The following SNX29 variants were observed in gnomAD, a reference collection of about 807,000 sequenced individuals.
SNX29 encodes sorting nexin-29.
SNX29 carries 78 observed loss-of-function variants against 102.1 expected under a neutral mutation model. That is an observed-to-expected ratio of 0.76 (90% confidence interval 0.64 to 0.92). SNX29 has a LOEUF of 0.92. Ranked by LOEUF, SNX29 falls within the 40% of genes least tolerant of loss-of-function variation. The pLI is 0.00. For missense variants in SNX29, 1,280 were observed against 1,061.7 expected (o/e 1.21, Z -2.86); for synonymous variants, 580 against 414.5 (o/e 1.40, Z -4.85).
chr16:12,384,873 T>C (rs2151442724), intron 16 of SNX29, among the ~76,000 whole-genome samples: 1 of 152,138 alleles, frequency 6.6e-6, no homozygotes, highest in Non-Finnish European at 1.5e-5. Flanking sequence ...TGGACACATA[T>C]AAAAAGTGCT....
intron 20 of SNX29, among the ~76,000 whole-genome samples, chr16:12,543,751 G>C (rs1231224062): frequency 6.6e-6 from 1 of 152,226 alleles, no homozygotes; most frequent in African/African-American, 2.4e-5. Context: ...TTGACTGGGG[G>C]AGATTTTCCA....
intron 16 of SNX29, among the ~76,000 whole-genome samples, chr16:12,394,836 C>T (rs987614779): frequency 1.3e-5 from 2 of 152,160 alleles, no homozygotes; most frequent in Non-Finnish European, 2.9e-5. Context: ...CTTGTCCTTG[C>T]CCATGAAATC....
chr16:12,357,986 C>T (rs971173412), intron 16 of SNX29, among the ~76,000 whole-genome samples: 2 of 152,128 alleles, frequency 1.3e-5, no homozygotes, highest in Admixed American at 6.5e-5. Flanking sequence ...ATGACTGTGT[C>T]GTTGGGTGGT....
Position 12,040,208 on chromosome 16 carries a change from C to T in SNX29, c.248-2689C>T, listed in dbSNP as rs1454551777. Among the ~76,000 whole-genome samples, 7 of 151,982 alleles carry T rather than the reference C, an allele frequency of 4.6e-5. No homozygotes were observed. The East Asian group carries it at 1.4e-3, about 29-fold the overall frequency. ...ACAACATAGCAGAACCTCATCTCTA[C>T]AAATAAATAAAAATTAAAAAGTTAG... On this transcript the variant is annotated intron_variant, in intron 4 of 20. Coordinates refer to ENST00000566228, the MANE Select transcript of SNX29 (RefSeq NM_032167.5).
chr16:12,230,092 C>T (rs77938703), intron 14 of SNX29, among the ~76,000 whole-genome samples: 5,265 of 152,232 alleles, frequency 0.035, 335 homozygotes, highest in African/African-American at 0.12. Context: ...CTTGCATCAG[C>T]CCGGATTTAG....
chr16:12,222,649 A>T (rs1009550266), intron 14 of SNX29, among the ~76,000 whole-genome samples: 3 of 152,140 alleles, frequency 2.0e-5, no homozygotes, highest in Non-Finnish European at 4.4e-5. Context: ...GCTCCCTGCA[A>T]CTTCTGTCTC....
intron 14 of SNX29, among the ~76,000 whole-genome samples, chr16:12,262,550 G>A (rs549928429): frequency 4.6e-5 from 7 of 152,330 alleles, no homozygotes; most frequent in African/African-American, 1.7e-4. Context: ...ACAAAGAACG[G>A]GGCTGGTCTG....
intron 17 of SNX29, among the ~76,000 whole-genome samples, chr16:12,400,094 C>A (rs2083881416): frequency 6.6e-6 from 1 of 152,178 alleles, no homozygotes; most frequent in Admixed American, 6.5e-5. Flanking sequence ...TTGTCTCTCC[C>A]CAGAGATTTG....
intron 20 of SNX29, among the ~76,000 whole-genome samples, chr16:12,538,118 G>C (rs945773109): frequency 8.5e-6 from 1 of 117,522 alleles, no homozygotes; most frequent in African/African-American, 3.4e-5. Flanking sequence ...ATTTCCCCTT[G>C]CATTTTTTTA....
At chr16:12,524,599 TGG>T (rs1370453680) in intron 19 of SNX29, 101 bp from the exon 20 acceptor site, 6 of 1,371,316 alleles carry the variant, frequency 4.4e-6, no homozygotes, top group Non-Finnish European at 4.9e-6. Flanking sequence ...CAATCAGTGT[TGG>T]TTGCCTGGAT....
At chr16:12,552,193 A>AT in intron 20 of SNX29, among the ~76,000 whole-genome samples, 1 of 152,354 alleles carries the variant, frequency 6.6e-6, no homozygotes, top group Admixed American at 6.5e-5. Context: ...ACAACGGCAG[A>AT]TAAGGCAGGG....
At chr16:12,219,042 G>A (rs1303359719) in intron 14 of SNX29, among the ~76,000 whole-genome samples, 1 of 152,146 alleles carries the variant, frequency 6.6e-6, no homozygotes, top group Non-Finnish European at 1.5e-5. Flanking sequence ...CCAAAGTGCT[G>A]GGATTACAGG....
intron 8 of SNX29, among the ~76,000 whole-genome samples, chr16:12,059,131 A>T (rs2050660326): frequency 6.6e-6 from 1 of 151,892 alleles, no homozygotes; most frequent in African/African-American, 2.4e-5. Flanking sequence ...CGGGTTTGGA[A>T]CCTCATCCTC....
intron 20 of SNX29, among the ~76,000 whole-genome samples, chr16:12,539,105 C>G (rs934900930): frequency 1.3e-5 from 2 of 152,142 alleles, no homozygotes; most frequent in Admixed American, 1.3e-4. Context: ...GTCCTACTTG[C>G]CTTTACTTTC....
At chr16:12,555,755 A>G (rs547418170) in intron 20 of SNX29, among the ~76,000 whole-genome samples, 6 of 151,580 alleles carry the variant, frequency 4.0e-5, no homozygotes, top group Non-Finnish European at 8.8e-5. Flanking sequence ...CACAACTCCA[A>G]CTAGCCTTCA....
At chr16:12,001,967 C>G (rs922462713) in intron 2 of SNX29, among the ~76,000 whole-genome samples, 1 of 151,080 alleles carries the variant, frequency 6.6e-6, no homozygotes, top group Non-Finnish European at 1.5e-5. Context: ...TTACCATGAG[C>G]TATGATGGCA....
At chr16:12,024,100 A>G (rs1047592775) in intron 3 of SNX29, among the ~76,000 whole-genome samples, 1 of 151,886 alleles carries the variant, frequency 6.6e-6, no homozygotes, top group Admixed American at 6.6e-5. Flanking sequence ...AACATTCAGG[A>G]AGGCTTCCTG....
chr16:12,433,599 C>G (rs1377380917), intron 18 of SNX29, among the ~76,000 whole-genome samples: 3 of 148,186 alleles, frequency 2.0e-5, no homozygotes, highest in Non-Finnish European at 3.0e-5. Context: ...CCACTGCACT[C>G]CAGCCTGGGC....
At chr16:12,450,653 A>G (rs1266804046) in intron 18 of SNX29, among the ~76,000 whole-genome samples, 1 of 152,212 alleles carries the variant, frequency 6.6e-6, no homozygotes. Context: ...AAGAGGGTGC[A>G]ATATGAACCA....
Sources: allele counts gnomAD v4.1 joint callset (sites outside exome capture counted in the v4.1 genomes callset), GRCh38; gene constraint gnomAD v4.1.1; transcripts MANE v1.5; gene names NCBI Gene and HGNC (gene_info 2026-07-23, HGNC 2026-07-21).